ANKRD13B: variants seen among roughly 807,000 people sequenced by gnomAD.
ANKRD13B encodes the protein ankyrin repeat domain-containing protein 13B.
Under a neutral mutation model 74.4 loss-of-function variants are expected in ANKRD13B, and 33 were observed. That is an observed-to-expected ratio of 0.44 (90% CI 0.34 to 0.59). The LOEUF (loss-of-function observed/expected upper bound fraction) is 0.59. ANKRD13B is among the 20% of genes least tolerant of loss of function. The probability of loss-of-function intolerance (pLI) is 0.02; values close to 1 mark genes in which losing one functional copy is unlikely to be tolerated. For missense variants in ANKRD13B, 676 were observed against 877.9 expected, an observed-to-expected ratio of 0.77 and a Z score of 2.91; for synonymous variants, 341 against 362.9, an observed-to-expected ratio of 0.94 and a Z score of 0.68.
At position 29,602,251 on chromosome 17, in the gene ANKRD13B, C is replaced by T. The variant is rs1011638354; in HGVS notation, c.115-5491C>T. 3.3e-5 allele frequency among the ~76,000 whole-genome samples: 5 copies of T among 152,086 alleles called. No homozygotes were observed. The East Asian group carries it at 5.8e-4, about 18-fold the overall frequency. ...TCTACTAAAAATACAAAAAATTAGC[C>T]GGGCGTGGTGGTGGGTGCCTGTAAT... On this transcript the variant is annotated intron_variant, in intron 1 of 14. Coordinates refer to ENST00000394859, the MANE Select transcript of ANKRD13B (RefSeq NM_152345.5).
At chr17:29,595,297 C>G (rs2033915718) in intron 1 of ANKRD13B, among the ~76,000 whole-genome samples, 1 of 152,220 alleles carries the variant, frequency 6.6e-6, no homozygotes, top group African/African-American at 2.4e-5. Context: ...ACATGGCCAG[C>G]CAGCCTCTGC....
intron 1 of ANKRD13B, among the ~76,000 whole-genome samples, chr17:29,598,340 CT>C (rs1480067409): frequency 6.6e-6 from 1 of 152,110 alleles, no homozygotes; most frequent in Admixed American, 6.5e-5. Flanking sequence ...CATGGTCATG[CT>C]TTAAAATATT....
chr17:29,613,089 A>G (rs1410641944), intron 14 of ANKRD13B, 126 bp downstream of exon 14: 2 of 1,327,130 alleles, frequency 1.5e-6, no homozygotes, highest in Non-Finnish European at 2.1e-6. Context: ...GGCTTCTGCC[A>G]CCACTCCTGC....
In ANKRD13B at chr17:29,613,803, C is replaced by T. The variant is rs371896718; in HGVS notation, c.*221C>T. The stretch of plus-strand genomic sequence containing the variant: ...GGAGGCAACTGGCACGGCCTGGTCC[C>T]CCTGCTTTGCTGTATTCTGATTCCC... On this transcript the variant is annotated 3_prime_UTR_variant, in exon 15 of 15. Coordinates refer to ENST00000394859, the MANE Select transcript of ANKRD13B (RefSeq NM_152345.5). 1 of 657,182 alleles carries T rather than the reference C, an allele frequency of 1.5e-6. No homozygotes were observed. Among genetic ancestry groups the T allele is most frequent in the East Asian group, 3.4e-5 (1 of 29,118 alleles). The allele number at this position is 657,182 out of a possible 1,614,324, so 40.7% of individuals were successfully genotyped here. A position where few individuals can be genotyped will look rare whatever the true frequency, so the allele number is the denominator to read the frequency against.
At chr17:29,594,334 T>TC (rs1310797644) in intron 1 of ANKRD13B, among the ~76,000 whole-genome samples, 1 of 152,216 alleles carries the variant, frequency 6.6e-6, no homozygotes, top group Non-Finnish European at 1.5e-5. Context: ...AAAAGCGCTC[T>TC]CCTGCCCTCT....
At chr17:29,599,865 GTTTTTTTTTTTTTTTTT>G (rs35600194) in intron 1 of ANKRD13B, among the ~76,000 whole-genome samples, 8 of 50,770 alleles carry the variant, frequency 1.6e-4, no homozygotes, top group Middle Eastern at 0.018. Context: ...CATCTAATTT[GTTTTTTTTTTTTTTTTT>G]TTTTTTTTTT....
Position 29,612,108 on chromosome 17 carries a change from G to A in ANKRD13B, c.1101-8G>A. 6.2e-7 allele frequency: 1 copy of A among 1,613,546 alleles called. No homozygotes were observed. Among genetic ancestry groups the A allele is most frequent in the Non-Finnish European group, 8.5e-7 (1 of 1,179,642 alleles). The stretch of plus-strand genomic sequence containing the variant: ...TGTCCCTTACCCCTTGGGATCTGGT[G>A]GGGGCAGGTTCAAGGCCAAGCTGTG... On this transcript the variant is annotated splice_region_variant and splice_polypyrimidine_tract_variant and intron_variant, in intron 10 of 14. Coordinates refer to ENST00000394859, the MANE Select transcript of ANKRD13B (RefSeq NM_152345.5). This position sits in a 1 kb window ranked among gnomAD's most constrained non-coding sequence, Gnocchi z 6.1.
At chr17:29,600,928 T>C in intron 1 of ANKRD13B, among the ~76,000 whole-genome samples, 1 of 145,678 alleles carries the variant, frequency 6.9e-6, no homozygotes, top group East Asian at 1.9e-4. Context: ...CTGACTTTTT[T>C]TTTTTTTTTT....
rs545093898 is a variant in ANKRD13B at position 29,599,900 on chromosome 17, G to A, written c.114+6165G>A. Among the ~76,000 whole-genome samples the A allele has an allele frequency of 4.2e-4, 28 of 65,886 alleles. No individual in the cohort carries two copies. In the East Asian group the frequency reaches 5.4e-3, roughly 13 times the overall value. 43.2% of individuals were successfully genotyped at this position (65,886 alleles called of 152,430 possible). On this transcript the variant is annotated intron_variant, in intron 1 of 14. Transcript: ENST00000394859. Reference sequence around the variant, plus strand: ...TTTTTTTTTTTTTTTTTTTTGATACGGAGTCTCGCTCTGTCCCCCGCGCTA... The same window carrying A: ...TTTTTTTTTTTTTTTTTTTTGATACAGAGTCTCGCTCTGTCCCCCGCGCTA...
Position 29,611,016 on chromosome 17 carries a change from T to C in ANKRD13B, c.904+250T>C, listed in dbSNP as rs556743141. On this transcript the variant is annotated intron_variant, in intron 8 of 14. Coordinates refer to ENST00000394859, the MANE Select transcript of ANKRD13B (RefSeq NM_152345.5). The surrounding 1 kb of genome is among the most constrained non-coding windows in gnomAD (Gnocchi z 4.3). ...CTGCAAGTGATTACTAATGTTGCTG[T>C]TGAATTTGGGAGAGGAGAGAAATGC... 1.3e-4 allele frequency among the ~76,000 whole-genome samples: 20 copies of C among 152,268 alleles called. No homozygotes were observed. In the East Asian group the frequency reaches 3.9e-3, roughly 29 times the overall value.
At chr17:29,599,031 G>A (rs569540837) in intron 1 of ANKRD13B, among the ~76,000 whole-genome samples, 1 of 152,330 alleles carries the variant, frequency 6.6e-6, no homozygotes, top group Non-Finnish European at 1.5e-5. Context: ...TCGAGGTGCA[G>A]GAGGTGCTCA....
rs1438424171 is a variant in ANKRD13B at position 29,609,813 on chromosome 17, CT to C, written c.822+393del. On this transcript the variant is annotated intron_variant, in intron 7 of 14. Coordinates refer to ENST00000394859, the MANE Select transcript of ANKRD13B (RefSeq NM_152345.5). The surrounding 1 kb of genome is among the most constrained non-coding windows in gnomAD (Gnocchi z 4.0). Reference sequence around the variant, plus strand: ...TAGAGGCTTAGAGTGGTTCTGTGACCTGTACAAGGTCACACAGCTGTTAAGT... The same window carrying C: ...TAGAGGCTTAGAGTGGTTCTGTGACCGTACAAGGTCACACAGCTGTTAAGT... 6.6e-6 allele frequency among the ~76,000 whole-genome samples: 1 copy of C among 152,148 alleles called. No individual in the cohort carries two copies. Among genetic ancestry groups the C allele is most frequent in the African/African-American group, 2.4e-5 (1 of 41,432 alleles).
rs533516579 is a variant in ANKRD13B, at chr17:29,613,489, G to A, written c.1788G>A (p.Leu596=). 17 of 1,532,578 alleles carry A rather than the reference G, an allele frequency of 1.1e-5. 1 individual carries two copies. The South Asian group carries it at 1.8e-4, about 17-fold the overall frequency. The allele number at this position is 1,532,578 out of a possible 1,614,324, so 94.9% of individuals were successfully genotyped here. The change falls in exon 15 of 15, where the codon CTG becomes CTA. Residue 596 remains leucine (L), a synonymous_variant. Coordinates refer to ENST00000394859, the MANE Select transcript of ANKRD13B (RefSeq NM_152345.5). ...YDEQLRLAME[L]SAQEQEERRR... ...AGCAGCTGCGGCTGGCGATGGAACT[G>A]TCGGCGCAGGAGCAGGAGGAGAGGC...
At position 29,608,178 on chromosome 17, in the gene ANKRD13B, TCC is replaced by T; in HGVS notation, c.376-14_376-13del. On this transcript the variant is annotated splice_polypyrimidine_tract_variant and intron_variant, in intron 3 of 14. Coordinates refer to ENST00000394859, the MANE Select transcript of ANKRD13B (RefSeq NM_152345.5). This position sits in a 1 kb window ranked among gnomAD's most constrained non-coding sequence, Gnocchi z 6.4. Reference sequence around the variant, plus strand: ...TTCTCCAGTGCAGACTTAGCCTCTCTCCCCTTCGTCCTCCAGGCCCAGGACTT... The same window carrying T: ...TTCTCCAGTGCAGACTTAGCCTCTCTCCTTCGTCCTCCAGGCCCAGGACTT... 1 of 1,614,134 alleles carries T rather than the reference TCC, an allele frequency of 6.2e-7. No homozygotes were observed. Among genetic ancestry groups the T allele is most frequent in the Non-Finnish European group, 8.5e-7 (1 of 1,180,010 alleles).
intron 1 of ANKRD13B, among the ~76,000 whole-genome samples, chr17:29,594,309 C>T (rs936669470): frequency 6.6e-6 from 1 of 152,242 alleles, no homozygotes; most frequent in Non-Finnish European, 1.5e-5. Context: ...CCCCAAGGGC[C>T]TTGTCCAGGT....
Position 29,593,614 on chromosome 17 carries a change from A to C in ANKRD13B, c.-8A>C. On this transcript the variant is annotated 5_prime_UTR_variant, in exon 1 of 15. Coordinates refer to ENST00000394859, the MANE Select transcript of ANKRD13B (RefSeq NM_152345.5). ...CGGGCGCCGCGGCCCCGGCATGAGG[A>C]GCGGGCGATGATCCCCGCCAACGCC... 7.5e-7 allele frequency: 1 copy of C among 1,324,558 alleles called. No individual in the cohort carries two copies. The allele number at this position is 1,324,558 out of a possible 1,614,324, so 82.1% of individuals were successfully genotyped here.
At chr17:29,602,394 C>A (rs867579041) in intron 1 of ANKRD13B, among the ~76,000 whole-genome samples, 1,514 of 116,700 alleles carry the variant, frequency 0.013, no homozygotes, top group African/African-American at 0.014. Context: ...GATTCCATCT[C>A]AAAAAAAAAA....
At chr17:29,600,944 A>C (rs145581152) in intron 1 of ANKRD13B, among the ~76,000 whole-genome samples, 4,663 of 94,498 alleles carry the variant, frequency 0.049, 116 homozygotes, top group Middle Eastern at 0.14. Flanking sequence ...TTTTTTTTTG[A>C]GACAGGGTCT....
chr17:29,610,400 T>C (rs146784185), intron 7 of ANKRD13B, among the ~76,000 whole-genome samples: 4 of 152,298 alleles, frequency 2.6e-5, no homozygotes, highest in East Asian at 1.9e-4. Flanking sequence ...TGTCTCCTTA[T>C]AGAGATTGTA....
Sources: gnomAD v4.1 joint callset for allele counts (sites outside exome capture counted in the v4.1 genomes callset) on GRCh38, gnomAD v4.1.1 for gene constraint, Gnocchi (gnomAD v3.1) non-coding constraint, MANE v1.5 for transcripts, NCBI Gene and HGNC (gene_info 2026-07-23, HGNC 2026-07-21) for gene names.